The following METAP1 variants were observed in gnomAD, a reference collection of about 807,000 sequenced individuals.
METAP1 encodes the protein methionine aminopeptidase 1.
A neutral mutation model predicts 53.8 loss-of-function variants in METAP1; 28 were observed. The ratio of observed to expected loss-of-function variants is 0.52; its 90% CI spans 0.39 to 0.71. METAP1 has a LOEUF of 0.71. METAP1 is among the 30% of genes least tolerant of loss of function. METAP1 has a pLI of 0.00. For missense variants in METAP1, 389 were observed against 479.8 expected (o/e 0.81, Z 1.77); for synonymous variants, 181 against 165.7 (o/e 1.09, Z -0.71).
chr4:99,018,430 T>C (rs1000777947), intron 1 of METAP1, among the ~76,000 whole-genome samples: 3 of 152,204 alleles, frequency 2.0e-5, no homozygotes, highest in Admixed American at 2.0e-4. Flanking sequence ...CTAATAATCC[T>C]ATCTAGAGCA....
At chr4:99,036,776 G>T (rs1025931160) in intron 4 of METAP1, among the ~76,000 whole-genome samples, 1 of 151,988 alleles carries the variant, frequency 6.6e-6, no homozygotes, top group African/African-American at 2.4e-5. Context: ...CTGCAAATTT[G>T]TTGCAATTTG....
At chr4:98,999,499 G>C (rs552538793) in intron 1 of METAP1, among the ~76,000 whole-genome samples, 2 of 144,080 alleles carry the variant, frequency 1.4e-5, no homozygotes, top group Non-Finnish European at 3.0e-5. Flanking sequence ...ATTTTATCTA[G>C]GATGCTTAAT....
chr4:99,060,661 C>T (rs1017856189), intron 10 of METAP1, among the ~76,000 whole-genome samples: 2 of 152,086 alleles, frequency 1.3e-5, no homozygotes, highest in African/African-American at 4.8e-5. Context: ...CCGCGCCTGG[C>T]CAAGCATATG....
chr4:99,046,936 C>CAAAAAAAAAAAAAAAAAAAAAAAAA (rs56702946), intron 8 of METAP1, among the ~76,000 whole-genome samples: 1 of 82,220 alleles, frequency 1.2e-5, no homozygotes, highest in Non-Finnish European at 2.6e-5. Context: ...ACTGAAGAAA[C>CAAAAAAAAAAAAAAAAAAAAAAAAA]AAAAAAAAAA....
chr4:99,037,824 G>A (rs1725543718), intron 4 of METAP1: 1 of 151,840 alleles, frequency 6.6e-6, no homozygotes, highest in African/African-American at 2.4e-5. Flanking sequence ...GAATCAGCTT[G>A]TCTGGTTCTC....
At position 99,034,254 on chromosome 4, in the gene METAP1, T is replaced by A; in HGVS notation, c.191T>A (p.Val64Glu). The A allele has an allele frequency of 6.5e-7, 1 of 1,550,374 alleles. No homozygotes were observed. Among genetic ancestry groups the A allele is most frequent in the Non-Finnish European group, 8.7e-7 (1 of 1,145,750 alleles). The change falls in exon 3 of 11, where the codon GTG becomes GAG. Residue 64 changes from valine (V) to glutamate (E), a missense_variant. Coordinates refer to ENST00000296411, the MANE Select transcript of METAP1 (RefSeq NM_015143.3). ...KAKDEKAKREVSSWTVEGDIN... is the reference protein window; with the variant it reads ...KAKDEKAKREESSWTVEGDIN... ...GAAGATGAAAAGGCGAAGCGAGAAG[T>A]GTCTTCCTGGACTGTGGAAGGTGAT...
chr4:99,058,731 G>A (rs746022208), intron 10 of METAP1, among the ~76,000 whole-genome samples: 2 of 152,178 alleles, frequency 1.3e-5, no homozygotes, highest in Admixed American at 6.5e-5. Flanking sequence ...AATCCAGCCC[G>A]CACTCAAGGG....
At chr4:99,018,637 G>T (rs1253601409) in intron 1 of METAP1, among the ~76,000 whole-genome samples, 1 of 152,142 alleles carries the variant, frequency 6.6e-6, no homozygotes, top group African/African-American at 2.4e-5. Context: ...TTTTACTAAG[G>T]TTAATATATG....
Position 99,004,446 on chromosome 4 carries a change from T to TACAC in METAP1, c.114+8613_114+8616dup, listed in dbSNP as rs1189663861. ...TATTAGCCAAGGAACTGTGGACAGA[T>TACAC]ACACACACACACACACACACACACA... On this transcript the variant is annotated intron_variant, in intron 1 of 10. Coordinates refer to ENST00000296411, the MANE Select transcript of METAP1 (RefSeq NM_015143.3). Among the ~76,000 whole-genome samples the TACAC allele has an allele frequency of 4.5e-3, 357 of 80,092 alleles. 1 individual carries two copies. Among genetic ancestry groups the TACAC allele is most frequent in the Non-Finnish European group, 7.9e-3 (212 of 26,998 alleles). 52.5% of individuals were successfully genotyped at this position (80,092 alleles called of 152,430 possible).
At chr4:99,022,417 G>T in intron 1 of METAP1, 1 of 693,448 alleles carries the variant, frequency 1.4e-6, no homozygotes, top group Non-Finnish European at 2.3e-6. Flanking sequence ...GTCCTAGGCA[G>T]TTGCCAGGTG....
chr4:99,020,636 A>G (rs1724053181), intron 1 of METAP1, among the ~76,000 whole-genome samples: 1 of 152,100 alleles, frequency 6.6e-6, no homozygotes, highest in African/African-American at 2.4e-5. Flanking sequence ...CTTGCTTCAG[A>G]TCCCTTAGGG....
intron 9 of METAP1, among the ~76,000 whole-genome samples, chr4:99,054,201 CTGTT>C (rs1726931497): frequency 1.3e-5 from 2 of 152,184 alleles, no homozygotes; most frequent in South Asian, 2.1e-4. Flanking sequence ...CATTGAAAAT[CTGTT>C]TGTTAGTATA....
intron 4 of METAP1, among the ~76,000 whole-genome samples, chr4:99,039,006 A>G (rs555025593): frequency 6.6e-6 from 1 of 152,290 alleles, no homozygotes; most frequent in East Asian, 1.9e-4. Context: ...TTGTTGATGT[A>G]TAATTGCTTC....
intron 8 of METAP1, among the ~76,000 whole-genome samples, 188 bp from the exon 9 acceptor site, chr4:99,048,545 T>G (rs1363143252): frequency 6.6e-6 from 1 of 152,148 alleles, no homozygotes; most frequent in East Asian, 1.9e-4. Flanking sequence ...AATTTTCATA[T>G]TTTTTGCAGA....
chr4:99,059,131 C>A (rs1424125979), intron 10 of METAP1, among the ~76,000 whole-genome samples: 1 of 152,180 alleles, frequency 6.6e-6, no homozygotes, highest in Non-Finnish European at 1.5e-5. Flanking sequence ...AAGCAAATAA[C>A]TTTCTATACA....
intron 1 of METAP1, among the ~76,000 whole-genome samples, chr4:98,998,470 C>G (rs911200390): frequency 7.2e-5 from 11 of 152,168 alleles, no homozygotes; most frequent in Admixed American, 6.5e-4. Flanking sequence ...TTGCAGTGAG[C>G]CGAGGTTGCA....
intron 9 of METAP1, among the ~76,000 whole-genome samples, chr4:99,054,549 C>T (rs1489004307): frequency 1.3e-5 from 2 of 152,202 alleles, no homozygotes; most frequent in African/African-American, 4.8e-5. Context: ...AGTGAAGTAG[C>T]GCTTTCAATT....
chr4:99,041,134 C>T lies in METAP1; in HGVS notation c.516+8C>T. 1 of 1,553,662 alleles carries T rather than the reference C, an allele frequency of 6.4e-7. No individual in the cohort carries two copies. The highest frequency in any genetic ancestry group is 8.8e-7 in the Non-Finnish European group (1 of 1,138,594). ...GATCACGCTGTACACTTAGTAAGAA[C>T]TTCACTTTTTTACTTTGAGTAATTT... On this transcript the variant is annotated splice_region_variant and intron_variant, in intron 6 of 10. Transcript: ENST00000296411.
At chr4:99,057,224 A>G (rs1727213861) in intron 9 of METAP1, among the ~76,000 whole-genome samples, 1 of 152,210 alleles carries the variant, frequency 6.6e-6, no homozygotes, top group Non-Finnish European at 1.5e-5. Flanking sequence ...TGAAGATGAG[A>G]AAAACACAAC....
Sources: gnomAD v4.1 joint callset for allele counts (sites outside exome capture counted in the v4.1 genomes callset) on GRCh38, gnomAD v4.1.1 for gene constraint, MANE v1.5 for transcripts, NCBI Gene and HGNC (gene_info 2026-07-23, HGNC 2026-07-21) for gene names.